Variants in DCST2 observed in about 807,000 individuals in gnomAD.
The protein encoded by DCST2 is DC-STAMP domain-containing protein 2.
Under a neutral mutation model 81.8 loss-of-function variants are expected in DCST2, and 64 were observed. The observed-to-expected ratio is 0.78, with a 90% CI of 0.64 to 0.96. The LOEUF is 0.96. Among genes scored for constraint, DCST2 ranks in the 40% least tolerant of loss-of-function variants. The pLI is 0.00. For synonymous variants in DCST2, 354 were observed against 402.6 expected (o/e 0.88, Z 1.44); for missense variants, 945 against 1,001.4 (o/e 0.94, Z 0.76).
At position 155,033,163 on chromosome 1, in the gene DCST2, C is replaced by T. The variant is rs1328317536; in HGVS notation, c.370G>A (p.Ala124Thr). The T allele has an allele frequency of 3.1e-6, 5 of 1,611,768 alleles. No homozygotes were observed. Among genetic ancestry groups the T allele is most frequent in the Non-Finnish European group, 4.2e-6 (5 of 1,178,974 alleles). The change falls in exon 2 of 15, where the codon GCC becomes ACC. Residue 124 changes from alanine to threonine, a missense_variant. Coordinates refer to ENST00000368424, the MANE Select transcript of DCST2 (RefSeq NM_144622.3). The part of the protein sequence containing the change: ...RNFTRASEAV[A>T]CGAELALNQT... ...TTCAGGGCCAGCTCTGCCCCACAGGCTACAGCCTCGCTGGCCCGGGTGAAG... is the reference window on the plus strand; with the variant it reads ...TTCAGGGCCAGCTCTGCCCCACAGGTTACAGCCTCGCTGGCCCGGGTGAAG...
Position 155,031,164 on chromosome 1 carries a change from C to G in DCST2, c.805+5G>C. The G allele has an allele frequency of 6.3e-7, 1 of 1,587,796 alleles. No homozygotes were observed. The highest frequency in any genetic ancestry group is 8.5e-7 in the Non-Finnish European group (1 of 1,170,782). On this transcript the variant is annotated splice_donor_5th_base_variant and intron_variant, in intron 5 of 14. Transcript: ENST00000368424. The stretch of plus-strand genomic sequence containing the variant: ...CACCATATGTGGCAGGAGGGGGTCA[C>G]TCACGGGTGCCGATGGTCTGGCGCA...
At position 155,023,904 on chromosome 1, in the gene DCST2, G is replaced by A; in HGVS notation, c.1798C>T (p.Leu600=). 3 of 1,613,702 alleles carry A rather than the reference G, an allele frequency of 1.9e-6. No homozygotes were observed. Among genetic ancestry groups the A allele is most frequent in the Middle Eastern group, 1.7e-4 (1 of 6,022 alleles). The change falls in exon 12 of 15, where the codon CTG becomes TTG. Residue 600 remains leucine, a synonymous_variant. Transcript: ENST00000368424. The part of the protein sequence containing the change: ...SHFWLHQAYC[L]GCGQPQDEGD... ...TCATCCTGGGGCTGCCCACAGCCCA[G>A]GCAGTAGGCCTGATGCAGCCAAAAG... is the stretch of plus-strand genomic sequence containing the variant.
Position 155,023,373 on chromosome 1 carries a change from T to G in DCST2, c.1955A>C (p.Asp652Ala), listed in dbSNP as rs201788023. Residue 652 changes from aspartate to alanine, a missense_variant, in exon 13 of 15, where the codon GAC becomes GCC. Transcript: ENST00000368424. Reference sequence around the variant, plus strand: ...TCACTGAAAGACTCACAGCTCCAGGTCCAGGTCCCCCTGGTAGGAGAGGGG... The same window carrying G: ...TCACTGAAAGACTCACAGCTCCAGGGCCAGGTCCCCCTGGTAGGAGAGGGG... ...ASPLSYQGDL[D>A]LELDSSDEEG... is the part of the protein sequence containing the mutation. The G allele has an allele frequency of 1.7e-4, 277 of 1,608,878 alleles. No homozygotes were observed. Among genetic ancestry groups the G allele is most frequent in the Non-Finnish European group, 2.2e-4 (261 of 1,177,512 alleles).
At chr1:155,024,938 C>T (rs1182172981) in intron 10 of DCST2, among the ~76,000 whole-genome samples, 2 of 152,040 alleles carry the variant, frequency 1.3e-5, no homozygotes, top group Non-Finnish European at 2.9e-5. Context: ...CACCTGAGGT[C>T]GGGAGTTCAA....
intron 6 of DCST2, 41 bp downstream of exon 6, chr1:155,030,391 C>A: frequency 1.2e-6 from 2 of 1,605,512 alleles, no homozygotes. Context: ...GGCCCTGCAC[C>A]CCCGGCCCTG....
At chr1:155,031,055 T>C in intron 5 of DCST2, 114 bp downstream of exon 5, 1 of 1,163,342 alleles carries the variant, frequency 8.6e-7, no homozygotes, top group East Asian at 2.5e-5. Context: ...CCCCTTTCTT[T>C]CTCTTACATT....
At position 155,032,716 on chromosome 1, in the gene DCST2, G is replaced by A; in HGVS notation, c.492C>T (p.Asp164=). The change falls in exon 3 of 15, where the codon GAC becomes GAT. Residue 164 remains aspartate (D), a synonymous_variant. Transcript: ENST00000368424. ...TTGACCGAAAGAACTTGCGGACCCG[G>A]TCAGCCACCTCTTTGGTCTTCCGGG... ...AIARKTKEVA[D]RVRKFFRSIM... is the part of the protein sequence containing the mutation. 1.2e-6 allele frequency: 2 copies of A among 1,614,186 alleles called. No individual in the cohort carries two copies. The highest frequency in any genetic ancestry group is 1.7e-6 in the Non-Finnish European group (2 of 1,180,018).
In DCST2 at chr1:155,032,915, G is replaced by A. The variant is rs1234871471; in HGVS notation, c.440-147C>T. ...CTGGGGCCTGGGAGATCGTTAATCT[G>A]GGAGTGGAGGAGGCCAGAGAGCAAG... On this transcript the variant is annotated intron_variant, in intron 2 of 14. Coordinates refer to ENST00000368424, the MANE Select transcript of DCST2 (RefSeq NM_144622.3). 4 of 1,012,840 alleles carry A rather than the reference G, an allele frequency of 3.9e-6. No homozygotes were observed. The African/African-American group carries it at 4.9e-5, about 12-fold the overall frequency. The allele number at this position is 1,012,840 out of a possible 1,614,324, so 62.7% of individuals were successfully genotyped here.
At chr1:155,019,102 CT>C (rs1431409199) in intron 14 of DCST2, among the ~76,000 whole-genome samples, 1 of 152,186 alleles carries the variant, frequency 6.6e-6, no homozygotes, top group Non-Finnish European at 1.5e-5. Flanking sequence ...GAAAAGAAAG[CT>C]TTGCTTCCCC....
chr1:155,024,860 C>T (rs962028418), intron 10 of DCST2, among the ~76,000 whole-genome samples: 9 of 152,176 alleles, frequency 5.9e-5, no homozygotes, highest in Non-Finnish European at 4.4e-5. Flanking sequence ...TTGTTAAAAG[C>T]TTGTCTGGCC....
chr1:155,018,800 T>G (rs1203354481), intron 14 of DCST2, 40 bp from the exon 15 acceptor site: 2 of 1,583,576 alleles, frequency 1.3e-6, no homozygotes, highest in African/African-American at 2.7e-5. Flanking sequence ...TCACCCACCT[T>G]CTGTCTTCAC....
At chr1:155,031,458 C>T in intron 4 of DCST2, 116 bp downstream of exon 4, 1 of 1,053,588 alleles carries the variant, frequency 9.5e-7, no homozygotes, top group Non-Finnish European at 1.4e-6. Flanking sequence ...TTATTGGTTC[C>T]TCTCTGTTGC....
chr1:155,027,538 T>C (rs1259537709), intron 8 of DCST2, among the ~76,000 whole-genome samples: 2 of 150,064 alleles, frequency 1.3e-5, no homozygotes, highest in African/African-American at 2.5e-5. Flanking sequence ...TTTTGTTTTT[T>C]AGGAGTTTTT....
Position 155,026,677 on chromosome 1 carries a change from A to C in DCST2, c.1381T>G (p.Tyr461Asp), listed in dbSNP as rs569572281. The change falls in exon 9 of 15, where the codon TAC becomes GAC. Residue 461 changes from tyrosine (Y) to aspartate (D), a missense_variant. By Grantham distance (160) the Tyr-to-Asp change is radical (BLOSUM62 -3). Coordinates refer to ENST00000368424, the MANE Select transcript of DCST2 (RefSeq NM_144622.3). ...LVSLTVEGTG[Y>D]AGNIYRDLVS... ...AGGTCACGATAAATATTCCCAGCGT[A>C]GCCAGTACCTTCCACGGTTAGAGAC... 1 of 1,614,230 alleles carries C rather than the reference A, an allele frequency of 6.2e-7. No individual in the cohort carries two copies. Among genetic ancestry groups the C allele is most frequent in the African/African-American group, 1.3e-5 (1 of 75,066 alleles).
At chr1:155,020,010 C>T (rs1659704143) in intron 14 of DCST2, among the ~76,000 whole-genome samples, 1 of 152,204 alleles carries the variant, frequency 6.6e-6, no homozygotes. Flanking sequence ...GAAGCGAGGC[C>T]ACCAGGCTGG....
intron 5 of DCST2, chr1:155,030,871 A>G: frequency 1.6e-6 from 1 of 609,354 alleles, no homozygotes; most frequent in Non-Finnish European, 2.9e-6. Context: ...CATGCAACAG[A>G]TGCCCCTAAG....
At chr1:155,032,911 A>G in intron 2 of DCST2, 143 bp from the exon 3 acceptor site, 1 of 1,026,934 alleles carries the variant, frequency 9.7e-7, no homozygotes, top group Admixed American at 2.4e-5. Context: ...GAGATCGTTA[A>G]TCTGGGAGTG....
At chr1:155,031,054 TTC>T in intron 5 of DCST2, 113 bp downstream of exon 5, 1 of 1,156,728 alleles carries the variant, frequency 8.6e-7, no homozygotes, top group Non-Finnish European at 1.2e-6. Context: ...GCCCCTTTCT[TTC>T]TCTTACATTC....
At chr1:155,028,388 C>T (rs755552706) in intron 8 of DCST2, among the ~76,000 whole-genome samples, 3 of 152,052 alleles carry the variant, frequency 2.0e-5, no homozygotes, top group Non-Finnish European at 4.4e-5. Flanking sequence ...GTCAGGAGTT[C>T]GAGAGCAGCC....
Sources: allele counts gnomAD v4.1 joint callset (sites outside exome capture counted in the v4.1 genomes callset), GRCh38; gene constraint gnomAD v4.1.1; transcripts MANE v1.5; gene names NCBI Gene and HGNC (gene_info 2026-07-23, HGNC 2026-07-21).